RUSC1: variants seen among roughly 807,000 people sequenced by gnomAD.
The protein encoded by RUSC1 is AP-4 complex accessory subunit RUSC1.
RUSC1 carries 40 observed loss-of-function variants against 72.1 expected under a neutral mutation model. That is an observed-to-expected ratio of 0.55 (90% CI 0.43 to 0.72). RUSC1 has a LOEUF of 0.72. Ranked by LOEUF, RUSC1 falls within the 30% of genes least tolerant of loss-of-function variation. The pLI, the probability that RUSC1 is intolerant of heterozygous loss-of-function variation, is 0.00. For missense variants in RUSC1, 1,092 were observed against 1,172.3 expected, an observed-to-expected ratio of 0.93 and a Z score of 1.00; for synonymous variants, 512 against 494.2, an observed-to-expected ratio of 1.04 and a Z score of -0.48.
rs781678399 is a variant in RUSC1 at position 155,322,105 on chromosome 1, A to T, written c.332A>T (p.Asp111Val). 1.8e-5 allele frequency: 29 copies of T among 1,612,424 alleles called. No individual in the cohort carries two copies. Among genetic ancestry groups the T allele is most frequent in the Non-Finnish European group, 3.4e-6 (4 of 1,179,056 alleles). The change falls in exon 2 of 10, where the codon GAT becomes GTT. Residue 111 changes from aspartate (D) to valine (V), a missense_variant. Coordinates refer to ENST00000368352, the MANE Select transcript of RUSC1 (RefSeq NM_001105203.2). The stretch of plus-strand genomic sequence containing the variant: ...TCCTCCTCACTCAGCTCCTGCTCAG[A>T]TCTTAGCCCCGATGAGTCCCCTGTC... Reference protein sequence around the residue: ...GCSSSLSSCSDLSPDESPVSV... With the variant: ...GCSSSLSSCSVLSPDESPVSV...
At position 155,326,662 on chromosome 1, in the gene RUSC1, G is replaced by A. The variant is rs1179809315; in HGVS notation, c.1944G>A (p.Leu648=). The A allele has an allele frequency of 1.2e-6, 2 of 1,613,924 alleles. No individual in the cohort carries two copies. Among genetic ancestry groups the A allele is most frequent in the Admixed American group, 3.3e-5 (2 of 60,030 alleles). Residue 648 remains leucine (L), a synonymous_variant, in exon 8 of 10, where the codon CTG becomes CTA. Transcript: ENST00000368352. This position sits in a 1 kb window ranked among gnomAD's most constrained non-coding sequence, Gnocchi z 4.7. ...GTCCCTCCCTGTCCACAGAGCTGCT[G>A]CTCCTGCTGCAGCCATTGTCGGTGC... The part of the protein sequence containing the change: ...GGCPSLSTEL[L]LLLQPLSVLT...
Position 155,320,895 on chromosome 1 carries a change from T to C in RUSC1, c.-183T>C. ...CAGCTGCGCAGCGCAGGGTAGGTTG[T>C]GCTAGTGCCCCTCCCCTCCCGCTCT... On this transcript the variant is annotated 5_prime_UTR_variant, in exon 1 of 10. Transcript: ENST00000368352. The C allele has an allele frequency of 6.3e-7, 1 of 1,598,874 alleles. No individual in the cohort carries two copies. The highest frequency in any genetic ancestry group is 8.5e-7 in the Non-Finnish European group (1 of 1,173,482).
At position 155,325,150 on chromosome 1, in the gene RUSC1, T is replaced by A. The variant is rs1439432859; in HGVS notation, c.1505T>A (p.Phe502Tyr). 6.2e-7 allele frequency: 1 copy of A among 1,614,206 alleles called. No individual in the cohort carries two copies. The highest frequency in any genetic ancestry group is 2.2e-5 in the East Asian group (1 of 44,888). The change falls in exon 4 of 10, where the codon TTC becomes TAC. Residue 502 changes from phenylalanine (F) to tyrosine (Y), a missense_variant. Coordinates refer to ENST00000368352, the MANE Select transcript of RUSC1 (RefSeq NM_001105203.2). The surrounding 1 kb of genome is among the most constrained non-coding windows in gnomAD (Gnocchi z 6.5). The part of the protein sequence containing the change: ...SVSVDKIISH[F>Y]GAARNLVQKA... Reference sequence around the variant, plus strand: ...TCCGTTGATAAAATCATCTCGCATTTCGGGGCCGCCCGGAACTTGGTGCAG... The same window carrying A: ...TCCGTTGATAAAATCATCTCGCATTACGGGGCCGCCCGGAACTTGGTGCAG...
Position 155,323,962 on chromosome 1 carries a change from C to T in RUSC1, c.1357+832C>T, listed in dbSNP as rs906754469. ...GCCGACTCCAAGCAAGTTTGTCGGCCTTGGGGAGTCTGGCCCCGTTCCTAG... is the reference window on the plus strand; with the variant it reads ...GCCGACTCCAAGCAAGTTTGTCGGCTTTGGGGAGTCTGGCCCCGTTCCTAG... On this transcript the variant is annotated intron_variant, in intron 2 of 9. Coordinates refer to ENST00000368352, the MANE Select transcript of RUSC1 (RefSeq NM_001105203.2). The T allele has an allele frequency of 1.5e-5, 15 of 1,003,144 alleles. No homozygotes were observed. In the African/African-American group the frequency reaches 2.3e-4, roughly 15 times the overall value. 62.1% of individuals were successfully genotyped at this position (1,003,144 alleles called of 1,614,324 possible).
In RUSC1 at chr1:155,322,544, A is replaced by G. The variant is rs1650688800; in HGVS notation, c.771A>G (p.Lys257=). The G allele has an allele frequency of 5.6e-6, 9 of 1,614,228 alleles. No homozygotes were observed. The highest frequency in any genetic ancestry group is 7.6e-6 in the Non-Finnish European group (9 of 1,180,038). The change falls in exon 2 of 10, where the codon AAA becomes AAG. Residue 257 remains lysine, a synonymous_variant. Transcript: ENST00000368352. ...KTTENNNTGW[K]NNGNVNSSWK... is the part of the protein sequence containing the mutation. Reference sequence around the variant, plus strand: ...CTGAAAACAATAACACTGGTTGGAAAAACAACGGGAATGTTAACTCTAGCT... The same window carrying G: ...CTGAAAACAATAACACTGGTTGGAAGAACAACGGGAATGTTAACTCTAGCT...
chr1:155,322,960 T>C lies in RUSC1; in HGVS notation c.1187T>C (p.Leu396Ser). ...PPRDPPVGWA[L>S]VPPRPPPPPV... ...CGAGACCCCCCAGTTGGCTGGGCTTTGGTCCCGCCCCGGCCCCCACCCCCG... is the reference window on the plus strand; with the variant it reads ...CGAGACCCCCCAGTTGGCTGGGCTTCGGTCCCGCCCCGGCCCCCACCCCCG... Residue 396 changes from leucine to serine, a missense_variant, in exon 2 of 10, where the codon TTG becomes TCG. Transcript: ENST00000368352. 1 of 1,558,314 alleles carries C rather than the reference T, an allele frequency of 6.4e-7. No individual in the cohort carries two copies. The highest frequency in any genetic ancestry group is 8.7e-7 in the Non-Finnish European group (1 of 1,151,084).
intron 2 of RUSC1, chr1:155,324,370 G>C (rs765014283): frequency 2.5e-6 from 4 of 1,610,002 alleles, no homozygotes; most frequent in Non-Finnish European, 3.4e-6. Flanking sequence ...CTCGGGTCTC[G>C]CCTCCCTCCG....
chr1:155,330,394 T>C lies in RUSC1; in HGVS notation c.2541-9T>C. The C allele has an allele frequency of 6.2e-7, 1 of 1,612,226 alleles. No individual in the cohort carries two copies. The highest frequency in any genetic ancestry group is 8.5e-7 in the Non-Finnish European group (1 of 1,179,930). ...CCTCATCCCAGTATCTTCCTCTGGC[T>C]CCCCTCAGGGCAGTGCGGGCTCTCT... On this transcript the variant is annotated splice_polypyrimidine_tract_variant and intron_variant, in intron 9 of 9. Coordinates refer to ENST00000368352, the MANE Select transcript of RUSC1 (RefSeq NM_001105203.2).
intron 2 of RUSC1, chr1:155,324,503 C>A (rs375651480): frequency 3.7e-6 from 6 of 1,605,626 alleles, no homozygotes; most frequent in South Asian, 1.1e-5. Context: ...CCCCGCGCCC[C>A]GTCCTCTCCC....
chr1:155,320,980 A>C lies in RUSC1; in HGVS notation c.-98A>C. 2.0e-6 allele frequency: 3 copies of C among 1,534,164 alleles called. No individual in the cohort carries two copies. The highest frequency in any genetic ancestry group is 2.7e-6 in the Non-Finnish European group (3 of 1,131,786). On this transcript the variant is annotated 5_prime_UTR_variant, in exon 1 of 10. Coordinates refer to ENST00000368352, the MANE Select transcript of RUSC1 (RefSeq NM_001105203.2). ...ACAAGCCCAAGGCCGGAGCGGTTCC[A>C]GGAGGACCCTGGTGAGGAGGGCTCG...
Position 155,326,105 on chromosome 1 carries a change from C to G in RUSC1, c.1861+195C>G, listed in dbSNP as rs536306572. ...AAGACCCAAAGCCTTGGCTGTCTGG[C>G]CTCTGCCCTCTTCCCCTGCCTTGGA... On this transcript the variant is annotated intron_variant, in intron 7 of 9. Transcript: ENST00000368352. This position sits in a 1 kb window ranked among gnomAD's most constrained non-coding sequence, Gnocchi z 4.7. 3 of 640,986 alleles carry G rather than the reference C, an allele frequency of 4.7e-6. No individual in the cohort carries two copies. In the Admixed American group the frequency reaches 8.3e-5, roughly 18 times the overall value. The allele number at this position is 640,986 out of a possible 1,614,324, so 39.7% of individuals were successfully genotyped here.
chr1:155,321,620 G>A lies in RUSC1; in HGVS notation c.-86-68G>A. 15 of 1,259,968 alleles carry A rather than the reference G, an allele frequency of 1.2e-5. No individual in the cohort carries two copies. In the South Asian group the frequency reaches 2.1e-4, roughly 17 times the overall value. The allele number at this position is 1,259,968 out of a possible 1,614,324, so 78.0% of individuals were successfully genotyped here. ...CCTTCAGGCCTGCTGCTGCCGTCAA[G>A]TCACCTCGGTGTCCTTCCCCGCAGC... On this transcript the variant is annotated intron_variant, in intron 1 of 9. Coordinates refer to ENST00000368352, the MANE Select transcript of RUSC1 (RefSeq NM_001105203.2).
In RUSC1 at chr1:155,326,900, A is replaced by T; in HGVS notation, c.2182A>T (p.Ser728Cys). ...SDSPNLPTPG[S>C]WWEQLTQASR... ...CTCTCCAAACCTTCCCACACCAGGG[A>T]GCTGGTGGGAGCAGTTGACCCAGGC... The change falls in exon 8 of 10, where the codon AGC becomes TGC. Residue 728 changes from serine (S) to cysteine (C), a missense_variant. By Grantham distance (112) the Ser-to-Cys change is moderately radical. Coordinates refer to ENST00000368352, the MANE Select transcript of RUSC1 (RefSeq NM_001105203.2). This position sits in a 1 kb window ranked among gnomAD's most constrained non-coding sequence, Gnocchi z 4.7. 6.2e-7 allele frequency: 1 copy of T among 1,613,742 alleles called. No individual in the cohort carries two copies. Among genetic ancestry groups the T allele is most frequent in the South Asian group, 1.1e-5 (1 of 91,082 alleles).
rs772585898 is a variant in RUSC1 at position 155,324,561 on chromosome 1, C to G, written c.1358-284C>G. ...AGGCGGGAGGTGAGCGCGGCCATCC[C>G]GCTCCCGGAGTTCCGGGATCCTGGA... On this transcript the variant is annotated intron_variant, in intron 2 of 9. Coordinates refer to ENST00000368352, the MANE Select transcript of RUSC1 (RefSeq NM_001105203.2). The G allele has an allele frequency of 1.5e-5, 23 of 1,581,286 alleles. No homozygotes were observed. In the South Asian group the frequency reaches 1.5e-4, roughly 10 times the overall value.
At chr1:155,324,279 G>T in intron 2 of RUSC1, 8 of 1,529,616 alleles carry the variant, frequency 5.2e-6, no homozygotes, top group Non-Finnish European at 6.1e-6. Flanking sequence ...AGTCCCACGC[G>T]GGATGAAGAG....
Position 155,330,752 on chromosome 1 carries a change from C to G in RUSC1, c.*181C>G. 1.9e-6 allele frequency: 1 copy of G among 523,642 alleles called. No homozygotes were observed. The allele number at this position is 523,642 out of a possible 1,614,324, so 32.4% of individuals were successfully genotyped here. On this transcript the variant is annotated 3_prime_UTR_variant, in exon 10 of 10. Coordinates refer to ENST00000368352, the MANE Select transcript of RUSC1 (RefSeq NM_001105203.2). ...CCTATACCCACCTGTAAGGTGAAAT[C>G]TGCTCTTCTTCCAAATATATAAAAA...
rs772116995 is a variant in RUSC1, at chr1:155,327,052, A to G, written c.2334A>G (p.Pro778=). ...CCCTGCCCACAGATGAGATGGCACC[A>G]GGCAGGGGCCTCTGGTTGGGAAGAC... ...ERPLPTDEMA[P]GRGLWLGRLF... is the part of the protein sequence containing the mutation. Residue 778 remains proline (P), a synonymous_variant, in exon 8 of 10, where the codon CCA becomes CCG. Transcript: ENST00000368352. 1 of 1,613,440 alleles carries G rather than the reference A, an allele frequency of 6.2e-7. No homozygotes were observed. Among genetic ancestry groups the G allele is most frequent in the South Asian group, 1.1e-5 (1 of 91,090 alleles).
At position 155,324,516 on chromosome 1, in the gene RUSC1, C is replaced by T. The variant is rs776306751; in HGVS notation, c.1358-329C>T. ...CTCCCCGCGCCCCGTCCTCTCCCGC[C>T]CTACAGGCCCTAGCAGGGCAGGCGG... On this transcript the variant is annotated intron_variant, in intron 2 of 9. Transcript: ENST00000368352. The T allele has an allele frequency of 1.0e-5, 16 of 1,601,594 alleles. No homozygotes were observed. The East Asian group carries it at 3.6e-4, about 36-fold the overall frequency.
intron 9 of RUSC1, 29 bp downstream of exon 9, chr1:155,328,304 T>C (rs762628358): frequency 1.5e-5 from 23 of 1,577,716 alleles, no homozygotes; most frequent in Non-Finnish European, 1.9e-5. Context: ...AATGCACTAG[T>C]GTGTAACCAT....
Sources: allele counts gnomAD v4.1 joint callset, GRCh38; gene constraint gnomAD v4.1.1; non-coding constraint Gnocchi (gnomAD v3.1); transcripts MANE v1.5; gene names NCBI Gene and HGNC (gene_info 2026-07-23, HGNC 2026-07-21).